Variants in ANKS1B observed in about 807,000 individuals in gnomAD.
ANKS1B encodes ankyrin repeat and sterile alpha motif domain containing 1B, also known as ankyrin repeat and sterile alpha motif domain-containing protein 1B.
In ANKS1B, 36 loss-of-function variants were observed where a neutral mutation model predicts 148.3. The observed-to-expected ratio is 0.24, with a 90% CI of 0.19 to 0.32. The LOEUF (loss-of-function observed/expected upper bound fraction) is 0.32. Among genes scored for constraint, ANKS1B ranks in the 10% least tolerant of loss-of-function variants. ANKS1B has a pLI of 1.00. For missense variants in ANKS1B, 1,157 were observed against 1,542.6 expected, an observed-to-expected ratio of 0.75 and a Z score of 4.19; for synonymous variants, 542 against 560.8, an observed-to-expected ratio of 0.97 and a Z score of 0.47.
chr12:99,649,475 G>A, intron 9 of ANKS1B: 1 of 1,171,888 alleles, frequency 8.5e-7, no homozygotes, highest in Admixed American at 1.7e-5. Flanking sequence ...AGTGCCTGAT[G>A]AAGGGGCAGG....
At chr12:99,808,380 T>G (rs1241593850) in intron 3 of ANKS1B, among the ~76,000 whole-genome samples, 1 of 152,044 alleles carries the variant, frequency 6.6e-6, no homozygotes, top group Non-Finnish European at 1.5e-5. Flanking sequence ...AAAGGCTTCT[T>G]ACTACTTTAC....
At chr12:99,391,396 C>A (rs1466030271) in intron 12 of ANKS1B, among the ~76,000 whole-genome samples, 1 of 152,194 alleles carries the variant, frequency 6.6e-6, no homozygotes, top group Non-Finnish European at 1.5e-5. Flanking sequence ...TCTCTCTGAC[C>A]TGCAGTTTCA....
At chr12:98,989,861 G>T (rs1568219111) in intron 17 of ANKS1B, among the ~76,000 whole-genome samples, 1 of 151,530 alleles carries the variant, frequency 6.6e-6, no homozygotes, top group African/African-American at 2.4e-5. Flanking sequence ...CCACTGCATT[G>T]CAGCCTAGGT....
intron 1 of ANKS1B, among the ~76,000 whole-genome samples, chr12:99,825,874 A>G (rs73374314): frequency 0.033 from 5,041 of 152,276 alleles, 247 homozygotes; most frequent in African/African-American, 0.11. Flanking sequence ...AACCAGGAAA[A>G]TGTAATCAAT....
chr12:99,219,824 G>T (rs1026713639), intron 14 of ANKS1B, among the ~76,000 whole-genome samples: 1 of 152,170 alleles, frequency 6.6e-6, no homozygotes, highest in Non-Finnish European at 1.5e-5. Flanking sequence ...AATTCCAGTT[G>T]ATGTATGAAT....
chr12:99,039,900 G>A (rs1355392335), intron 17 of ANKS1B, among the ~76,000 whole-genome samples: 1 of 152,166 alleles, frequency 6.6e-6, no homozygotes, highest in African/African-American at 2.4e-5. Flanking sequence ...ATCAGCTGAT[G>A]ATCAGATCAG....
intron 1 of ANKS1B, among the ~76,000 whole-genome samples, chr12:99,905,452 G>C (rs1338023706): frequency 6.6e-6 from 1 of 152,166 alleles, no homozygotes; most frequent in African/African-American, 2.4e-5. Context: ...AATGGCTCTT[G>C]GTTCCTCACC....
intron 12 of ANKS1B, among the ~76,000 whole-genome samples, chr12:99,286,608 T>C (rs1566812541): frequency 1.3e-5 from 2 of 151,872 alleles, no homozygotes; most frequent in South Asian, 2.1e-4. Flanking sequence ...TTTCCAAGGG[T>C]CCCCAGTTCC....
chr12:99,232,136 G>A (rs979728011), intron 14 of ANKS1B, among the ~76,000 whole-genome samples: 1 of 152,086 alleles, frequency 6.6e-6, no homozygotes, highest in African/African-American at 2.4e-5. Flanking sequence ...GTATTTTCCA[G>A]CAAATTGTCT....
chr12:98,905,953 C>G (rs1438930745), intron 17 of ANKS1B, among the ~76,000 whole-genome samples: 1 of 151,930 alleles, frequency 6.6e-6, no homozygotes, highest in Non-Finnish European at 1.5e-5. Context: ...ACTCAATCCA[C>G]GAGATCTATA....
intron 17 of ANKS1B, among the ~76,000 whole-genome samples, chr12:99,003,178 G>A (rs2099934043): frequency 6.6e-6 from 1 of 152,110 alleles, no homozygotes; most frequent in Non-Finnish European, 1.5e-5. Context: ...TCCTGATTCT[G>A]TTCTATTGGT....
Position 99,910,354 on chromosome 12 carries a change from C to CAAAA in ANKS1B, c.134+73746_134+73749dup, listed in dbSNP as rs57222450. On this transcript the variant is annotated intron_variant, in intron 1 of 26. Transcript: ENST00000683438. The stretch of plus-strand genomic sequence containing the variant: ...TGGGCTACAGGGCAAGACTCCATCT[C>CAAAA]AAAAAAAAAAAAAAAAAAAAAAAGA... 9.4e-3 allele frequency among the ~76,000 whole-genome samples: 474 copies of CAAAA among 50,442 alleles called. 23 individuals are homozygous for CAAAA. Among genetic ancestry groups the CAAAA allele is most frequent in the Middle Eastern group, 0.019 (1 of 54 alleles). The allele number at this position is 50,442 out of a possible 152,430, so 33.1% of individuals were successfully genotyped here.
rs189979290 is a variant in ANKS1B at position 98,870,554 on chromosome 12, G to A, written c.2779-38418C>T. ...GGAGAAGATATTAGGGCAGCAGGGA[G>A]TCCAGCTGGGAGATGATGAGGAAAG... On this transcript the variant is annotated intron_variant, in intron 17 of 26. Coordinates refer to ENST00000683438, the MANE Select transcript of ANKS1B (RefSeq NM_001352186.2). Among the ~76,000 whole-genome samples, 249 of 152,340 alleles carry A rather than the reference G, an allele frequency of 1.6e-3. 1 individual carries two copies. The highest frequency in any genetic ancestry group is 5.8e-3 in the African/African-American group (240 of 41,580).
At chr12:99,385,757 T>G (rs2093834155) in intron 12 of ANKS1B, among the ~76,000 whole-genome samples, 1 of 152,206 alleles carries the variant, frequency 6.6e-6, no homozygotes. Context: ...ATCAATGGAC[T>G]AGAAAATATG....
intron 12 of ANKS1B, among the ~76,000 whole-genome samples, chr12:99,369,845 G>GAGAC (rs1555405079): frequency 2.0e-4 from 27 of 134,760 alleles, no homozygotes; most frequent in Non-Finnish European, 3.2e-4. Context: ...CAGACAGACA[G>GAGAC]AGACAGATAG....
At chr12:99,086,159 A>G (rs2051717920) in intron 15 of ANKS1B, among the ~76,000 whole-genome samples, 1 of 152,158 alleles carries the variant, frequency 6.6e-6, no homozygotes, top group South Asian at 2.1e-4. Context: ...GTTAGGTAGG[A>G]TGCTGAGACT....
chr12:99,591,035 T>TA (rs542071581), intron 9 of ANKS1B, among the ~76,000 whole-genome samples: 2 of 73,644 alleles, frequency 2.7e-5, no homozygotes, highest in Admixed American at 1.5e-4. Flanking sequence ...GTAAAGAATA[T>TA]TTTTTTTTTC....
intron 17 of ANKS1B, among the ~76,000 whole-genome samples, chr12:98,889,950 A>C (rs941809279): frequency 1.3e-5 from 2 of 152,180 alleles, no homozygotes; most frequent in African/African-American, 4.8e-5. Flanking sequence ...GGGGCTCAGA[A>C]GGAAAGGAAT....
intron 26 of ANKS1B, among the ~76,000 whole-genome samples, chr12:98,747,136 C>A (rs1315677537): frequency 6.6e-6 from 1 of 152,160 alleles, no homozygotes; most frequent in Admixed American, 6.5e-5. Context: ...AGACAACCTA[C>A]AGAATGGGAG....
Sources: allele counts gnomAD v4.1 joint callset (sites outside exome capture counted in the v4.1 genomes callset), GRCh38; gene constraint gnomAD v4.1.1; transcripts MANE v1.5; gene names NCBI Gene and HGNC (gene_info 2026-07-23, HGNC 2026-07-21).